SLA: variants seen among roughly 807,000 people sequenced by gnomAD.
SLA encodes src-like-adapter.
A neutral mutation model predicts 30.3 loss-of-function variants in SLA; 16 were observed. That is an observed-to-expected ratio of 0.53 (90% CI 0.36 to 0.80). The LOEUF (loss-of-function observed/expected upper bound fraction) is 0.80, where lower values mean the gene tolerates loss of function less well. Among genes scored for constraint, SLA ranks in the 30% least tolerant of loss-of-function variants. The pLI is 0.01. For missense variants in SLA, 310 were observed against 345.2 expected, an observed-to-expected ratio of 0.90 and a Z score of 0.81; for synonymous variants, 143 against 137.8, an observed-to-expected ratio of 1.04 and a Z score of -0.26.
intron 8 of SLA, 94 bp from the exon 9 acceptor site, chr8:133,038,831 A>G: frequency 1.3e-6 from 1 of 751,412 alleles, no homozygotes; most frequent in South Asian, 1.7e-5. Context: ...GAACAGGAGG[A>G]AAAGAAAAAC....
chr8:133,067,539 G>A (rs1843204093), intron 2 of SLA, among the ~76,000 whole-genome samples: 1 of 152,156 alleles, frequency 6.6e-6, no homozygotes, highest in South Asian at 2.1e-4. Flanking sequence ...ATGTTGGGAG[G>A]CTGAGGCAAG....
At chr8:133,102,373 C>A in intron 1 of SLA, 180 bp downstream of exon 1, 1 of 558,672 alleles carries the variant, frequency 1.8e-6, no homozygotes. Context: ...CCTCTTACCC[C>A]AAGTCCTGCC....
At chr8:133,068,309 C>A (rs1843407220) in intron 2 of SLA, among the ~76,000 whole-genome samples, 1 of 152,192 alleles carries the variant, frequency 6.6e-6, no homozygotes, top group African/African-American at 2.4e-5. Context: ...TATGCTGGCC[C>A]CCTCTACCCT....
intron 1 of SLA, among the ~76,000 whole-genome samples, chr8:133,089,406 A>T (rs1342124819): frequency 6.6e-6 from 1 of 152,186 alleles, no homozygotes; most frequent in African/African-American, 2.4e-5. Flanking sequence ...AGCACTGAGA[A>T]TGCAAAGACA....
Position 133,090,522 on chromosome 8 carries a change from C to A in SLA, c.-319+12031G>T, listed in dbSNP as rs565386071. 7.9e-5 allele frequency among the ~76,000 whole-genome samples: 12 copies of A among 152,330 alleles called. 1 individual carries two copies. In the East Asian group the frequency reaches 1.3e-3, roughly 17 times the overall value. The stretch of plus-strand genomic sequence containing the variant: ...GCTTTGCATGTAGAGGCACTTTCCC[C>A]CAAGTCAGACAGCGCAAGGGACTTG... On this transcript the variant is annotated intron_variant, in intron 1 of 8. Coordinates refer to ENST00000338087, the MANE Select transcript of SLA (RefSeq NM_001045556.3).
chr8:133,095,236 G>T, intron 1 of SLA: 1 of 1,614,154 alleles, frequency 6.2e-7, no homozygotes, highest in South Asian at 1.1e-5. Context: ...AGTTGGGAAG[G>T]GACATTCTCT....
At chr8:133,062,585 C>A (rs151175548) in intron 2 of SLA, among the ~76,000 whole-genome samples, 1 of 152,376 alleles carries the variant, frequency 6.6e-6, no homozygotes, top group Non-Finnish European at 1.5e-5. Context: ...GCAAACCAGG[C>A]CTCCCTGGCC....
At chr8:133,071,191 G>T (rs988656378) in intron 2 of SLA, among the ~76,000 whole-genome samples, 1 of 152,194 alleles carries the variant, frequency 6.6e-6, no homozygotes, top group South Asian at 2.1e-4. Flanking sequence ...GTGTGTCCTA[G>T]GTGTGTTACA....
At chr8:133,051,085 C>T (rs1016506370) in intron 3 of SLA, among the ~76,000 whole-genome samples, 170 bp from the exon 4 acceptor site, 2 of 152,194 alleles carry the variant, frequency 1.3e-5, no homozygotes, top group Non-Finnish European at 2.9e-5. Flanking sequence ...GATGGCTCTG[C>T]AGGGTGTGCG....
At chr8:133,069,768 A>C (rs972742974) in intron 2 of SLA, among the ~76,000 whole-genome samples, 6 of 152,144 alleles carry the variant, frequency 3.9e-5, no homozygotes, top group African/African-American at 1.4e-4. Context: ...TAGGAGGCTG[A>C]GGCAGGCGGA....
intron 1 of SLA, among the ~76,000 whole-genome samples, chr8:133,082,020 A>G (rs1432619606): frequency 6.6e-6 from 1 of 152,186 alleles, no homozygotes; most frequent in Non-Finnish European, 1.5e-5. Flanking sequence ...CTTGGTGCCA[A>G]TTTAGAGTCT....
chr8:133,085,616 T>G (rs1846408494), intron 1 of SLA, among the ~76,000 whole-genome samples: 2 of 152,202 alleles, frequency 1.3e-5, no homozygotes, highest in Admixed American at 1.3e-4. Context: ...TTCTTAACAC[T>G]ATTAGTCAGT....
At chr8:133,091,756 G>A (rs1847579980) in intron 1 of SLA, among the ~76,000 whole-genome samples, 1 of 151,994 alleles carries the variant, frequency 6.6e-6, no homozygotes, top group Admixed American at 6.6e-5. Context: ...ATTTCTTTCT[G>A]TAGCTGGATG....
At chr8:133,077,005 A>G (rs1032367106) in intron 1 of SLA, among the ~76,000 whole-genome samples, 2 of 152,142 alleles carry the variant, frequency 1.3e-5, no homozygotes, top group Admixed American at 1.3e-4. Flanking sequence ...CGACCCATCA[A>G]AGAAACTCAA....
chr8:133,050,615 AG>A (rs1487851300), intron 4 of SLA, 200 bp downstream of exon 4: 2 of 519,928 alleles, frequency 3.8e-6, no homozygotes, highest in Non-Finnish European at 6.8e-6. Flanking sequence ...TTGATCTACC[AG>A]GCAGTGGGGA....
At chr8:133,090,295 A>C (rs946955432) in intron 1 of SLA, among the ~76,000 whole-genome samples, 2 of 152,238 alleles carry the variant, frequency 1.3e-5, no homozygotes, top group Non-Finnish European at 2.9e-5. Context: ...AGAAGCAGAG[A>C]GAAGCCCTGG....
chr8:133,085,913 T>C (rs546198664), intron 1 of SLA, among the ~76,000 whole-genome samples: 5 of 152,320 alleles, frequency 3.3e-5, no homozygotes, highest in Non-Finnish European at 7.4e-5. Flanking sequence ...TATAAGAACT[T>C]GTATGTGACT....
intron 1 of SLA, among the ~76,000 whole-genome samples, chr8:133,097,326 T>C (rs890577217): frequency 6.6e-6 from 1 of 152,264 alleles, no homozygotes; most frequent in Admixed American, 6.5e-5. Flanking sequence ...CAGTTTTACA[T>C]GATATATATA....
At chr8:133,084,777 C>CCACAGGCAAGGGGGA (rs1846274608) in intron 1 of SLA, among the ~76,000 whole-genome samples, 1 of 152,230 alleles carries the variant, frequency 6.6e-6, no homozygotes, top group South Asian at 2.1e-4. Context: ...GGGAAGGCCT[C>CCACAGGCAAGGGGGA]CACACTGTGC....
Sources: allele counts gnomAD v4.1 joint callset (sites outside exome capture counted in the v4.1 genomes callset), GRCh38; gene constraint gnomAD v4.1.1; transcripts MANE v1.5; gene names NCBI Gene and HGNC (gene_info 2026-07-23, HGNC 2026-07-21).